SLCO1C1: variants seen among roughly 807,000 people sequenced by gnomAD.
The protein encoded by SLCO1C1 is OAT-RP-5.
Under a neutral mutation model 76.4 loss-of-function variants are expected in SLCO1C1, and 70 were observed. The ratio of observed to expected loss-of-function variants is 0.92; its 90% CI spans 0.76 to 1.12. The LOEUF (loss-of-function observed/expected upper bound fraction) is 1.12, where lower values mean the gene tolerates loss of function less well. SLCO1C1 is among the 50% of genes most tolerant of loss of function. The pLI is 0.00. For synonymous variants in SLCO1C1, 306 were observed against 286.1 expected, an observed-to-expected ratio of 1.07 and a Z score of -0.70; for missense variants, 912 against 823.8, an observed-to-expected ratio of 1.11 and a Z score of -1.31.
chr12:20,733,559 T>C (rs1179029274), intron 10 of SLCO1C1, among the ~76,000 whole-genome samples: 1 of 152,238 alleles, frequency 6.6e-6, no homozygotes, highest in South Asian at 2.1e-4. Context: ...TGACACAAGC[T>C]AAATGTGCCA....
intron 13 of SLCO1C1, among the ~76,000 whole-genome samples, chr12:20,750,036 A>G (rs1191130878): frequency 4.6e-5 from 7 of 152,178 alleles, no homozygotes; most frequent in Non-Finnish European, 1.0e-4. Flanking sequence ...TAAGACAACA[A>G]TCTTGCCCAA....
intron 3 of SLCO1C1, 113 bp downstream of exon 3, chr12:20,701,572 C>CT (rs34463708): frequency 0.15 from 74,918 of 506,838 alleles, 1,110 homozygotes; most frequent in East Asian, 0.22. Flanking sequence ...TTCATAAAAT[C>CT]TTTTTTTTTT....
chr12:20,732,603 C>T (rs1948337494), intron 9 of SLCO1C1, among the ~76,000 whole-genome samples: 1 of 152,174 alleles, frequency 6.6e-6, no homozygotes, highest in African/African-American at 2.4e-5. Context: ...CATTAATGGG[C>T]ACCTAATTGC....
intron 3 of SLCO1C1, among the ~76,000 whole-genome samples, chr12:20,703,583 G>T (rs1402677495): frequency 6.6e-6 from 1 of 151,668 alleles, no homozygotes; most frequent in East Asian, 1.9e-4. Context: ...AAGCTGGTTT[G>T]CTCAGATTTG....
intron 2 of SLCO1C1, among the ~76,000 whole-genome samples, chr12:20,700,873 T>A (rs971483580): frequency 3.3e-5 from 5 of 152,064 alleles, no homozygotes; most frequent in African/African-American, 4.8e-5. Flanking sequence ...CTGTACATTA[T>A]GTTCCCGGCT....
At chr12:20,743,150 T>A (rs990373459) in intron 12 of SLCO1C1, among the ~76,000 whole-genome samples, 155 bp from the exon 13 acceptor site, 7 of 152,180 alleles carry the variant, frequency 4.6e-5, no homozygotes, top group African/African-American at 1.4e-4. Flanking sequence ...CTTTTACGTA[T>A]TTTGCCCTCC....
intron 3 of SLCO1C1, among the ~76,000 whole-genome samples, chr12:20,703,442 C>G (rs1385044505): frequency 1.3e-5 from 2 of 151,692 alleles, no homozygotes; most frequent in African/African-American, 4.8e-5. Context: ...TTACATTAGC[C>G]TCAGAACTGT....
intron 12 of SLCO1C1, among the ~76,000 whole-genome samples, chr12:20,741,145 C>T (rs1402428504): frequency 2.0e-5 from 3 of 151,934 alleles, no homozygotes; most frequent in Non-Finnish European, 4.4e-5. Context: ...TGTGAGAACA[C>T]ACTATCACAA....
intron 5 of SLCO1C1, among the ~76,000 whole-genome samples, chr12:20,713,194 C>T (rs1156709505): frequency 6.6e-6 from 1 of 151,424 alleles, no homozygotes; most frequent in Non-Finnish European, 1.5e-5. Context: ...ATTCTCCTGC[C>T]TCAGCCTCCC....
chr12:20,703,637 T>C (rs906320455), intron 3 of SLCO1C1, among the ~76,000 whole-genome samples: 1 of 151,864 alleles, frequency 6.6e-6, no homozygotes, highest in Non-Finnish European at 1.5e-5. Flanking sequence ...TTTAGTACTT[T>C]TACAGTGTCT....
intron 14 of SLCO1C1, 150 bp downstream of exon 14, chr12:20,750,942 A>C (rs1949275071): frequency 7.2e-7 from 1 of 1,393,538 alleles, no homozygotes; most frequent in South Asian, 1.3e-5. Context: ...TCATAGAATA[A>C]TTATATTATT....
intron 10 of SLCO1C1, among the ~76,000 whole-genome samples, chr12:20,734,537 T>G (rs1349997441): frequency 6.6e-6 from 1 of 152,200 alleles, no homozygotes; most frequent in African/African-American, 2.4e-5. Flanking sequence ...TCTCATTATA[T>G]CCTCAAAACA....
At chr12:20,717,648 CTTTTTTTTTTTTTT>C (rs534946900) in intron 7 of SLCO1C1, among the ~76,000 whole-genome samples, 2,346 of 42,354 alleles carry the variant, frequency 0.055, 30 homozygotes, top group Middle Eastern at 0.11. Flanking sequence ...AACAGCCCTT[CTTTTTTTTTTTTTT>C]TTTTTTTTTT....
At position 20,725,084 on chromosome 12, in the gene SLCO1C1, TATAAA is replaced by T. The variant is rs1947900682; in HGVS notation, c.1186+1835_1186+1839del. On this transcript the variant is annotated intron_variant, in intron 9 of 14. Transcript: ENST00000266509. ...ATATTATATATATTATAATAAATTA[TATAAA>T]ATAATATATACAACATGATATATAA... is the stretch of plus-strand genomic sequence containing the variant. Among the ~76,000 whole-genome samples the T allele has an allele frequency of 1.3e-4, 17 of 126,086 alleles. 1 individual carries two copies. The South Asian group carries it at 3.9e-3, about 29-fold the overall frequency. The allele number at this position is 126,086 out of a possible 152,430, so 82.7% of individuals were successfully genotyped here.
chr12:20,729,308 G>A (rs151084099), intron 9 of SLCO1C1, among the ~76,000 whole-genome samples: 1 of 152,230 alleles, frequency 6.6e-6, no homozygotes, highest in African/African-American at 2.4e-5. Flanking sequence ...TTGGAGTTGT[G>A]TTATAATTTA....
In SLCO1C1 at chr12:20,717,190, A is replaced by G. The variant is rs748261574; in HGVS notation, c.735A>G (p.Leu245=). Residue 245 remains leucine, a synonymous_variant, in exon 7 of 15, where the codon TTA becomes TTG. Transcript: ENST00000266509. The part of the protein sequence containing the change: ...GPIFGFLLGS[L]CAKLYVDIGF... ...TCTTTGGTTTCCTGTTAGGCTCATT[A>G]TGTGCCAAACTATATGTTGACATTG... is the stretch of plus-strand genomic sequence containing the variant. 6.2e-7 allele frequency: 1 copy of G among 1,601,884 alleles called. No homozygotes were observed.
chr12:20,701,802 C>T (rs995392144), intron 3 of SLCO1C1, among the ~76,000 whole-genome samples: 2 of 151,828 alleles, frequency 1.3e-5, no homozygotes, highest in Non-Finnish European at 2.9e-5. Flanking sequence ...GAACAATACA[C>T]CCTGGGAGCA....
At chr12:20,747,899 A>G (rs1277557421) in intron 13 of SLCO1C1, among the ~76,000 whole-genome samples, 3 of 152,192 alleles carry the variant, frequency 2.0e-5, no homozygotes, top group African/African-American at 7.2e-5. Flanking sequence ...AATTATCAAT[A>G]CACAGCTCAT....
chr12:20,728,852 A>G (rs1327523914), intron 9 of SLCO1C1, among the ~76,000 whole-genome samples: 1 of 152,050 alleles, frequency 6.6e-6, no homozygotes, highest in African/African-American at 2.4e-5. Context: ...TGAGTGTGCT[A>G]AAACAATAAT....
Sources: allele counts gnomAD v4.1 joint callset (sites outside exome capture counted in the v4.1 genomes callset), GRCh38; gene constraint gnomAD v4.1.1; transcripts MANE v1.5; gene names NCBI Gene and HGNC (gene_info 2026-07-23, HGNC 2026-07-21).